PSD3: variants seen among roughly 807,000 people sequenced by gnomAD.
PSD3 encodes the protein pleckstrin and Sec7 domain containing 3.
In PSD3, 49 loss-of-function variants were observed where a neutral mutation model predicts 105.5. The ratio of observed to expected loss-of-function variants is 0.46; its 90% confidence interval spans 0.37 to 0.59. The LOEUF (loss-of-function observed/expected upper bound fraction) is 0.59, where lower values mean the gene tolerates loss of function less well. Among genes scored for constraint, PSD3 ranks in the 20% least tolerant of loss-of-function variants. The pLI, the probability that PSD3 is intolerant of heterozygous loss-of-function variation, is 0.00. For synonymous variants in PSD3, 557 were observed against 457.8 expected (o/e 1.22, Z -2.77); for missense variants, 1,561 against 1,263.8 (o/e 1.24, Z -3.57).
chr8:19,030,880 T>G (rs944144696), intron 1 of PSD3, among the ~76,000 whole-genome samples: 1 of 152,186 alleles, frequency 6.6e-6, no homozygotes, highest in Non-Finnish European at 1.5e-5. Context: ...ATAAGCTGCT[T>G]TCTCTTTCAA....
At chr8:18,927,604 C>T (rs1252212926) in intron 2 of PSD3, among the ~76,000 whole-genome samples, 6 of 152,206 alleles carry the variant, frequency 3.9e-5, no homozygotes, top group Non-Finnish European at 2.9e-5. Flanking sequence ...TCCCAGGAGG[C>T]TGCTCACTGC....
At chr8:18,861,492 C>A (rs1816445387) in intron 4 of PSD3, among the ~76,000 whole-genome samples, 1 of 151,910 alleles carries the variant, frequency 6.6e-6, no homozygotes, top group Non-Finnish European at 1.5e-5. Flanking sequence ...CACAAGTAAC[C>A]CTCTCTCTCC....
At chr8:19,057,430 A>T (rs1177585885) in intron 1 of PSD3, among the ~76,000 whole-genome samples, 1 of 150,772 alleles carries the variant, frequency 6.6e-6, no homozygotes, top group African/African-American at 2.4e-5. Flanking sequence ...TGACACGAAA[A>T]CCTCTGCCCA....
chr8:18,811,262 T>C (rs1415366134), intron 4 of PSD3, among the ~76,000 whole-genome samples: 1 of 152,168 alleles, frequency 6.6e-6, no homozygotes, highest in African/African-American at 2.4e-5. Context: ...ACATGGTCAG[T>C]GAGACTCCAA....
At chr8:18,797,790 C>G (rs189827600) in intron 8 of PSD3, among the ~76,000 whole-genome samples, 1 of 152,184 alleles carries the variant, frequency 6.6e-6, no homozygotes, top group East Asian at 1.9e-4. Flanking sequence ...TTTTTTTCCT[C>G]CCACCATTAA....
At chr8:18,763,022 A>G (rs1464541860) in intron 9 of PSD3, 1 of 709,248 alleles carries the variant, frequency 1.4e-6, no homozygotes, top group Non-Finnish European at 2.2e-6. Flanking sequence ...CAATCCCACA[A>G]CACCTAGTAA....
chr8:18,545,696 G>T (rs184149053), intron 15 of PSD3, among the ~76,000 whole-genome samples: 18 of 152,306 alleles, frequency 1.2e-4, no homozygotes, highest in South Asian at 6.2e-4. Flanking sequence ...TATAGGGCAC[G>T]TGGTTAATCT....
Position 18,535,971 on chromosome 8 carries a change from C to T in PSD3, c.2929-13G>A, listed in dbSNP as rs1188172587. On this transcript the variant is annotated splice_polypyrimidine_tract_variant and intron_variant, in intron 15 of 15. Transcript: ENST00000327040. ...CATAGCGGGTTTTCTGAAGGCAAAG[C>T]CAGAGAACAACGGTAGTCAGAAAAC... The T allele has an allele frequency of 6.2e-7, 1 of 1,609,754 alleles. No homozygotes were observed. Among genetic ancestry groups the T allele is most frequent in the Non-Finnish European group, 8.5e-7 (1 of 1,176,518 alleles).
chr8:19,035,708 G>C (rs1428733518), intron 1 of PSD3, among the ~76,000 whole-genome samples: 1 of 150,974 alleles, frequency 6.6e-6, no homozygotes, highest in African/African-American at 2.4e-5. Context: ...GAATATGACT[G>C]CATATAGTGA....
intron 1 of PSD3, among the ~76,000 whole-genome samples, chr8:19,003,094 C>T (rs2129474569): frequency 6.6e-6 from 1 of 152,154 alleles, no homozygotes; most frequent in South Asian, 2.1e-4. Context: ...CAGTGAGGCA[C>T]AGAGATGTTA....
At chr8:19,000,314 T>C (rs1826304102) in intron 1 of PSD3, among the ~76,000 whole-genome samples, 1 of 151,144 alleles carries the variant, frequency 6.6e-6, no homozygotes, top group Admixed American at 6.6e-5. Flanking sequence ...GGAGGATAAC[T>C]TGAGCCCAGG....
intron 9 of PSD3, among the ~76,000 whole-genome samples, chr8:18,665,717 C>T (rs1039154611): frequency 3.3e-5 from 5 of 152,090 alleles, no homozygotes; most frequent in Admixed American, 6.6e-5. Context: ...GTGTGGGTGG[C>T]GTGCATGCCA....
chr8:18,875,317 G>T (rs1182594561), intron 2 of PSD3, among the ~76,000 whole-genome samples: 1 of 152,146 alleles, frequency 6.6e-6, no homozygotes, highest in East Asian at 1.9e-4. Context: ...CTAATAAAAT[G>T]TAGCTTGCTT....
chr8:18,776,406 C>A (rs181892812), intron 8 of PSD3, among the ~76,000 whole-genome samples: 12 of 145,998 alleles, frequency 8.2e-5, no homozygotes, highest in African/African-American at 2.5e-4. Flanking sequence ...GTTTTTGAGA[C>A]GGAGTCTCGA....
At chr8:18,585,571 G>C (rs1478249647) in intron 12 of PSD3, among the ~76,000 whole-genome samples, 1 of 152,120 alleles carries the variant, frequency 6.6e-6, no homozygotes, top group Non-Finnish European at 1.5e-5. Context: ...ACCCACCTCA[G>C]CCTCCCAAAG....
intron 8 of PSD3, among the ~76,000 whole-genome samples, chr8:18,773,384 G>A (rs1378521072): frequency 1.3e-5 from 2 of 152,060 alleles, no homozygotes; most frequent in African/African-American, 4.8e-5. Flanking sequence ...TTTGACTACT[G>A]TAGCTTTGTA....
chr8:18,546,319 G>T (rs1800448704), intron 15 of PSD3, among the ~76,000 whole-genome samples: 1 of 152,114 alleles, frequency 6.6e-6, no homozygotes, highest in Non-Finnish European at 1.5e-5. Flanking sequence ...TAAACTTTCT[G>T]AATTTCCAGT....
chr8:19,038,383 A>G (rs939765165), intron 1 of PSD3, among the ~76,000 whole-genome samples: 3 of 152,170 alleles, frequency 2.0e-5, no homozygotes, highest in Non-Finnish European at 4.4e-5. Context: ...ACTCAAGAGA[A>G]GTCTTCTTCC....
chr8:18,845,337 G>A (rs927608220), intron 4 of PSD3, among the ~76,000 whole-genome samples: 1 of 152,126 alleles, frequency 6.6e-6, no homozygotes, highest in Non-Finnish European at 1.5e-5. Context: ...TGGAGTGGAT[G>A]GGGTCCCCTA....
Sources: allele counts gnomAD v4.1 joint callset (sites outside exome capture counted in the v4.1 genomes callset), GRCh38; gene constraint gnomAD v4.1.1; transcripts MANE v1.5; gene names NCBI Gene and HGNC (gene_info 2026-07-23, HGNC 2026-07-21).